Variants in CLVS1 observed in about 807,000 individuals in gnomAD.
The protein encoded by CLVS1 is clavesin-1.
Under a neutral mutation model 33.1 loss-of-function variants are expected in CLVS1, and 10 were observed. That is an observed-to-expected ratio of 0.30 (90% CI 0.19 to 0.51). CLVS1 has a LOEUF of 0.51. CLVS1 is among the 20% of genes least tolerant of loss of function. The pLI is 0.97. For missense variants in CLVS1, 343 were observed against 433.4 expected (o/e 0.79, Z 1.85); for synonymous variants, 163 against 166.1 (o/e 0.98, Z 0.14).
At chr8:61,197,495 C>A (rs1021712341) in intron 2 of CLVS1, among the ~76,000 whole-genome samples, 2 of 151,866 alleles carry the variant, frequency 1.3e-5, no homozygotes, top group Non-Finnish European at 2.9e-5. Context: ...GTGATTCCTC[C>A]AGTTTGTTGT....
chr8:61,084,946 T>TA (rs1307614635), intron 1 of CLVS1, among the ~76,000 whole-genome samples: 1 of 152,224 alleles, frequency 6.6e-6, no homozygotes, highest in Non-Finnish European at 1.5e-5. Context: ...AAGTCATAGA[T>TA]ATCTTGTTTT....
chr8:61,094,487 C>T (rs559252346), intron 1 of CLVS1, among the ~76,000 whole-genome samples: 1 of 152,292 alleles, frequency 6.6e-6, no homozygotes, highest in East Asian at 1.9e-4. Context: ...CCTTTTTATG[C>T]ATGAGGCAAA....
intron 2 of CLVS1, among the ~76,000 whole-genome samples, chr8:61,165,722 C>G (rs1806848678): frequency 6.6e-6 from 1 of 152,150 alleles, no homozygotes. Context: ...TAAAACTAAC[C>G]TGCACCCCGA....
At chr8:61,219,683 C>T (rs943920745) in intron 2 of CLVS1, among the ~76,000 whole-genome samples, 4 of 152,248 alleles carry the variant, frequency 2.6e-5, no homozygotes, top group African/African-American at 9.6e-5. Flanking sequence ...ATTGCTGGGT[C>T]AAATGATATT....
chr8:61,394,132 A>C (rs1490898693), intron 3 of CLVS1, among the ~76,000 whole-genome samples: 1 of 152,230 alleles, frequency 6.6e-6, no homozygotes, highest in Non-Finnish European at 1.5e-5. Flanking sequence ...GGATCACTTG[A>C]GGGCAGGAGT....
At chr8:61,090,549 A>G (rs1397638937) in intron 1 of CLVS1, among the ~76,000 whole-genome samples, 1 of 152,138 alleles carries the variant, frequency 6.6e-6, no homozygotes, top group Non-Finnish European at 1.5e-5. Flanking sequence ...GCGTGATTCC[A>G]AGGGTGGATC....
chr8:60,980,236 A>C, the CLVS1 span, among the ~76,000 whole-genome samples: 1 of 152,212 alleles, frequency 6.6e-6, no homozygotes, highest in Admixed American at 6.5e-5. Context: ...GAAAACTTAT[A>C]AGGCTTTGCC....
At chr8:61,021,443 C>T in the CLVS1 span, among the ~76,000 whole-genome samples, 23 of 152,246 alleles carry the variant, frequency 1.5e-4, no homozygotes, top group South Asian at 1.7e-3. Context: ...CTCCACCTCC[C>T]GGGTTCAAGC....
intron 1 of CLVS1, among the ~76,000 whole-genome samples, chr8:61,293,867 A>T (rs1329805247): frequency 6.6e-6 from 1 of 152,104 alleles, no homozygotes; most frequent in Non-Finnish European, 1.5e-5. Context: ...CACAAAACAA[A>T]TATGGCTATT....
chr8:61,486,806 A>G (rs1441989991), intron 5 of CLVS1, among the ~76,000 whole-genome samples: 2 of 152,140 alleles, frequency 1.3e-5, no homozygotes, highest in East Asian at 3.8e-4. Context: ...TACCCTTTCC[A>G]AAATTTCCTG....
chr8:60,976,486 T>C, the CLVS1 span, among the ~76,000 whole-genome samples: 1 of 152,216 alleles, frequency 6.6e-6, no homozygotes, highest in East Asian at 1.9e-4. Flanking sequence ...GCCTCCTGAG[T>C]AGCTGGGACT....
chr8:60,973,720 C>T, the CLVS1 span, among the ~76,000 whole-genome samples: 1 of 152,154 alleles, frequency 6.6e-6, no homozygotes, highest in Non-Finnish European at 1.5e-5. Context: ...CCATGGAATG[C>T]CCCCGGAAGG....
the CLVS1 span, among the ~76,000 whole-genome samples, chr8:61,029,245 C>A: frequency 5.8e-4 from 88 of 152,338 alleles, no homozygotes; most frequent in South Asian, 0.014. Flanking sequence ...GTTTATTTGT[C>A]ACCATCACTT....
the CLVS1 span, among the ~76,000 whole-genome samples, chr8:61,042,991 C>T: frequency 6.6e-6 from 1 of 152,116 alleles, no homozygotes; most frequent in Middle Eastern, 3.2e-3. Context: ...AGGTTATGTC[C>T]AGCTTGTTCA....
intron 2 of CLVS1, among the ~76,000 whole-genome samples, chr8:61,184,745 A>G (rs1008722873): frequency 1.3e-5 from 2 of 152,236 alleles, no homozygotes; most frequent in African/African-American, 4.8e-5. Flanking sequence ...AGGATTTTGC[A>G]CAGCTGGGGT....
rs1206167741 is a variant in CLVS1, at chr8:61,300,422, A to G, written c.455+140A>G. ...GTTCACCAAGGAAGTTTTAGGCCAC[A>G]GGTGTGCTGTCTTCAAAAGGCAATT... is the stretch of plus-strand genomic sequence containing the variant. On this transcript the variant is annotated intron_variant, in intron 2 of 5. Transcript: ENST00000325897. 4.1e-6 allele frequency: 3 copies of G among 728,166 alleles called. No individual in the cohort carries two copies. In the African/African-American group the frequency reaches 5.3e-5, roughly 13 times the overall value. The allele number at this position is 728,166 out of a possible 1,614,324, so 45.1% of individuals were successfully genotyped here.
intron 2 of CLVS1, among the ~76,000 whole-genome samples, chr8:61,330,805 C>A (rs1485392317): frequency 6.6e-6 from 1 of 151,920 alleles, no homozygotes; most frequent in African/African-American, 2.4e-5. Flanking sequence ...TTGTGTGGTG[C>A]TGGACTGGGC....
the CLVS1 span, among the ~76,000 whole-genome samples, chr8:60,965,060 G>T: frequency 6.6e-6 from 1 of 152,110 alleles, no homozygotes; most frequent in African/African-American, 2.4e-5. Flanking sequence ...TGAGTTGCAA[G>T]ATTGTGAGGT....
intron 3 of CLVS1, among the ~76,000 whole-genome samples, chr8:61,389,247 A>G (rs904173992): frequency 1.2e-4 from 18 of 152,216 alleles, no homozygotes; most frequent in African/African-American, 4.1e-4. Flanking sequence ...GACAATATCA[A>G]GAAATAACAG....
Sources: allele counts gnomAD v4.1 joint callset (sites outside exome capture counted in the v4.1 genomes callset), GRCh38; gene constraint gnomAD v4.1.1; transcripts MANE v1.5; gene names NCBI Gene and HGNC (gene_info 2026-07-23, HGNC 2026-07-21).